The following SCFD2 variants were observed in gnomAD, a reference collection of about 807,000 sequenced individuals.
The protein encoded by SCFD2 is sec1 family domain containing 2.
Under a neutral mutation model 58.9 loss-of-function variants are expected in SCFD2, and 54 were observed. The ratio of observed to expected loss-of-function variants is 0.92; its 90% CI spans 0.74 to 1.15. The LOEUF is 1.15. Ranked by LOEUF, SCFD2 falls within the 50% of genes most tolerant of loss-of-function variation. The pLI is 0.00. For missense variants in SCFD2, 805 were observed against 836.6 expected (o/e 0.96, Z 0.47); for synonymous variants, 321 against 335.9 (o/e 0.96, Z 0.49).
intron 5 of SCFD2, among the ~76,000 whole-genome samples, chr4:53,028,288 T>C (rs1342049885): frequency 1.3e-5 from 2 of 151,890 alleles, no homozygotes; most frequent in Non-Finnish European, 2.9e-5. Context: ...AAAAGAAAAA[T>C]ATGAGAGAAA....
intron 2 of SCFD2, among the ~76,000 whole-genome samples, chr4:53,330,118 A>G (rs1310591957): frequency 1.3e-5 from 2 of 152,202 alleles, no homozygotes; most frequent in African/African-American, 4.8e-5. Flanking sequence ...TCTACGTCTG[A>G]TTGCTGTACC....
At chr4:53,156,616 T>A (rs1006885882) in intron 4 of SCFD2, among the ~76,000 whole-genome samples, 1 of 152,154 alleles carries the variant, frequency 6.6e-6, no homozygotes, top group African/African-American at 2.4e-5. Flanking sequence ...GAGAATGGCA[T>A]GAACCCAGGA....
At chr4:52,907,124 G>A (rs1021457612) in intron 7 of SCFD2, among the ~76,000 whole-genome samples, 1 of 152,242 alleles carries the variant, frequency 6.6e-6, no homozygotes, top group Non-Finnish European at 1.5e-5. Context: ...CACTAAGACC[G>A]GTGTGTGCTA....
chr4:52,912,952 A>G (rs191921264), intron 6 of SCFD2, among the ~76,000 whole-genome samples: 1 of 152,328 alleles, frequency 6.6e-6, no homozygotes, highest in African/African-American at 2.4e-5. Flanking sequence ...GAGATTAGCC[A>G]TATAGTTTGT....
At chr4:53,094,451 G>T (rs928529815) in intron 5 of SCFD2, among the ~76,000 whole-genome samples, 5 of 151,986 alleles carry the variant, frequency 3.3e-5, no homozygotes, top group African/African-American at 9.7e-5. Context: ...CATAAGGATG[G>T]TATGAGATAC....
chr4:53,311,691 A>G (rs1464632380), intron 3 of SCFD2, among the ~76,000 whole-genome samples: 1 of 151,430 alleles, frequency 6.6e-6, no homozygotes, highest in South Asian at 2.1e-4. Flanking sequence ...GCTGGAGTGC[A>G]GTGGCGCAAT....
rs1734699087 is a variant in SCFD2 at position 53,366,058 on chromosome 4, C to T, written c.-117G>A. ...AGTCTCCACAGTACACGTGGTCGGC[C>T]TCTGACACGCTCCCTGATGGCGCTC... is the stretch of plus-strand genomic sequence containing the variant. On this transcript the variant is annotated 5_prime_UTR_variant, in exon 1 of 9. Coordinates refer to ENST00000401642, the MANE Select transcript of SCFD2 (RefSeq NM_152540.4). The T allele has an allele frequency of 4.2e-6, 5 of 1,179,018 alleles. No homozygotes were observed. Among genetic ancestry groups the T allele is most frequent in the Middle Eastern group, 2.9e-4 (1 of 3,422 alleles). The allele number at this position is 1,179,018 out of a possible 1,614,324, so 73.0% of individuals were successfully genotyped here. A position where few individuals can be genotyped will look rare whatever the true frequency, so the allele number is the denominator to read the frequency against.
At chr4:53,152,948 T>C (rs546203656) in intron 4 of SCFD2, among the ~76,000 whole-genome samples, 31 of 152,274 alleles carry the variant, frequency 2.0e-4, no homozygotes, top group African/African-American at 5.3e-4. Flanking sequence ...CTGGGCACAC[T>C]GGTGTGAGAA....
At chr4:53,004,919 G>C (rs1216458067) in intron 5 of SCFD2, among the ~76,000 whole-genome samples, 1 of 152,126 alleles carries the variant, frequency 6.6e-6, no homozygotes, top group Non-Finnish European at 1.5e-5. Flanking sequence ...TTTTAAGACA[G>C]AGTCTCGCTC....
chr4:52,999,091 GATT>G (rs1358160261), intron 5 of SCFD2, among the ~76,000 whole-genome samples: 29 of 152,186 alleles, frequency 1.9e-4, no homozygotes, highest in African/African-American at 6.0e-4. Context: ...AGAATTGAAT[GATT>G]ATTACTTTCA....
At chr4:53,139,335 C>A (rs899184779) in intron 5 of SCFD2, among the ~76,000 whole-genome samples, 1 of 150,198 alleles carries the variant, frequency 6.7e-6, no homozygotes, top group Non-Finnish European at 1.5e-5. Flanking sequence ...GGCCGCCCAT[C>A]GTCTGGGATG....
rs562868389 is a variant in SCFD2 at position 53,096,883 on chromosome 4, A to T, written c.1561+48450T>A. Among the ~76,000 whole-genome samples, 7 of 152,200 alleles carry T rather than the reference A, an allele frequency of 4.6e-5. No individual in the cohort carries two copies. In the South Asian group the frequency reaches 1.5e-3, roughly 32 times the overall value. On this transcript the variant is annotated intron_variant, in intron 5 of 8. Coordinates refer to ENST00000401642, the MANE Select transcript of SCFD2 (RefSeq NM_152540.4). ...TAAGTCTTTAATCCATCTTGAATTAATTTTTGTATAAGGTGTAAGGAAGGG... is the reference window on the plus strand; with the variant it reads ...TAAGTCTTTAATCCATCTTGAATTATTTTTTGTATAAGGTGTAAGGAAGGG...
chr4:53,030,766 A>G (rs1470990528), intron 5 of SCFD2, among the ~76,000 whole-genome samples: 6 of 152,132 alleles, frequency 3.9e-5, no homozygotes, highest in Non-Finnish European at 7.4e-5. Context: ...TACCTATATG[A>G]CCCTGTAATT....
At chr4:52,904,074 C>G (rs1719287746) in intron 7 of SCFD2, among the ~76,000 whole-genome samples, 1 of 152,212 alleles carries the variant, frequency 6.6e-6, no homozygotes, top group African/African-American at 2.4e-5. Context: ...ACTGCTGGCT[C>G]TCTTTCCCAG....
chr4:52,986,516 T>TTTTTA (rs386400054), intron 5 of SCFD2, among the ~76,000 whole-genome samples: 2 of 136,184 alleles, frequency 1.5e-5, no homozygotes, highest in African/African-American at 5.4e-5. Flanking sequence ...TTTTTTTTTT[T>TTTTTA]GAGACGGAGT....
chr4:52,902,181 C>G (rs1404974743), intron 7 of SCFD2, among the ~76,000 whole-genome samples: 1 of 152,226 alleles, frequency 6.6e-6, no homozygotes, highest in Non-Finnish European at 1.5e-5. Flanking sequence ...TCTAGCCCTG[C>G]TGACCTCCAT....
At position 52,873,983 on chromosome 4, in the gene SCFD2, C is replaced by T. The variant is rs763554308; in HGVS notation, c.2041G>A (p.Asp681Asn). The part of the protein sequence containing the change: ...LLFATDRLHP[D>N]LGF ...TTAGCGGATGCTCAGAAGCCAAGGT[C>T]TGGATGCAGTCGGTCAGTTGCAAAT... Residue 681 changes from aspartate to asparagine, a missense_variant, in exon 9 of 9, where the codon GAC (aspartate) becomes AAC (asparagine). Coordinates refer to ENST00000401642, the MANE Select transcript of SCFD2 (RefSeq NM_152540.4). 15 of 1,613,666 alleles carry T rather than the reference C, an allele frequency of 9.3e-6. No homozygotes were observed. The highest frequency in any genetic ancestry group is 1.3e-5 in the Non-Finnish European group (15 of 1,179,796).
intron 5 of SCFD2, among the ~76,000 whole-genome samples, chr4:53,094,147 G>A (rs1010976001): frequency 2.0e-5 from 3 of 152,058 alleles, no homozygotes; most frequent in Non-Finnish European, 2.9e-5. Flanking sequence ...GAATGGAATT[G>A]TTGTAGAGTA....
chr4:53,330,842 A>G (rs1211359968), intron 2 of SCFD2, among the ~76,000 whole-genome samples: 1 of 152,158 alleles, frequency 6.6e-6, no homozygotes, highest in Non-Finnish European at 1.5e-5. Flanking sequence ...TGCTGTATTC[A>G]GGAAACCCAT....
Sources: gnomAD v4.1 joint callset for allele counts (sites outside exome capture counted in the v4.1 genomes callset) on GRCh38, gnomAD v4.1.1 for gene constraint, MANE v1.5 for transcripts, NCBI Gene and HGNC (gene_info 2026-07-23, HGNC 2026-07-21) for gene names.